Variants in DGKB observed in about 807,000 individuals in gnomAD.
DGKB encodes diacylglycerol kinase beta.
In DGKB, 67 loss-of-function variants were observed where a neutral mutation model predicts 114.3. That is an observed-to-expected ratio of 0.59 (90% CI 0.48 to 0.72). DGKB has a LOEUF of 0.72. Among genes scored for constraint, DGKB ranks in the 30% least tolerant of loss-of-function variants. The pLI is 0.00. For missense variants in DGKB, 907 were observed against 975.2 expected (o/e 0.93, Z 0.93); for synonymous variants, 398 against 323.1 (o/e 1.23, Z -2.49).
At chr7:14,470,873 G>C (rs531765823) in intron 21 of DGKB, among the ~76,000 whole-genome samples, 59 of 151,534 alleles carry the variant, frequency 3.9e-4, no homozygotes, top group Admixed American at 1.3e-3. Flanking sequence ...AATTGCTCTG[G>C]AACTTCAAAA....
intron 6 of DGKB, among the ~76,000 whole-genome samples, chr7:14,702,715 T>A: frequency 6.6e-6 from 1 of 152,196 alleles, no homozygotes; most frequent in East Asian, 1.9e-4. Flanking sequence ...GTCTATAATA[T>A]TAATAAAGAT....
chr7:14,648,883 G>C (rs1563788280), intron 13 of DGKB, among the ~76,000 whole-genome samples: 1 of 133,702 alleles, frequency 7.5e-6, no homozygotes, highest in African/African-American at 2.8e-5. Context: ...TCAACTGGAA[G>C]AAAGGGTATC....
chr7:14,734,976 G>C (rs765147923), intron 5 of DGKB, among the ~76,000 whole-genome samples: 2 of 152,144 alleles, frequency 1.3e-5, no homozygotes, highest in African/African-American at 4.8e-5. Flanking sequence ...GCGGGAGAAG[G>C]GGCTGGACCC....
chr7:14,881,936 T>C (rs1406269552), intron 1 of DGKB, among the ~76,000 whole-genome samples: 1 of 152,138 alleles, frequency 6.6e-6, no homozygotes, highest in Non-Finnish European at 1.5e-5. Flanking sequence ...TTCAACTCTA[T>C]AAATCTCACA....
intron 2 of DGKB, among the ~76,000 whole-genome samples, chr7:14,778,298 A>G (rs1036079147): frequency 1.3e-5 from 2 of 152,176 alleles, no homozygotes; most frequent in African/African-American, 4.8e-5. Flanking sequence ...GTTCTAAAAC[A>G]TTCCCTGTAT....
At chr7:14,656,774 A>G (rs1303384262) in intron 13 of DGKB, among the ~76,000 whole-genome samples, 1 of 151,434 alleles carries the variant, frequency 6.6e-6, no homozygotes, top group Non-Finnish European at 1.5e-5. Flanking sequence ...ACACACACAT[A>G]TCCTATATAT....
intron 6 of DGKB, among the ~76,000 whole-genome samples, chr7:14,708,837 C>T (rs557109208): frequency 2.0e-5 from 3 of 149,638 alleles, no homozygotes; most frequent in African/African-American, 5.1e-5. Flanking sequence ...AAGATTTAAA[C>T]GTTAGACCTA....
intron 6 of DGKB, among the ~76,000 whole-genome samples, chr7:14,704,447 C>CAAAAA (rs774905779): frequency 7.5e-5 from 4 of 53,462 alleles, no homozygotes; most frequent in African/African-American, 2.2e-4. Flanking sequence ...GACTCCATCT[C>CAAAAA]AAAAAAAAAA....
intron 17 of DGKB, among the ~76,000 whole-genome samples, chr7:14,592,513 G>T (rs919590806): frequency 6.6e-5 from 10 of 151,732 alleles, no homozygotes; most frequent in African/African-American, 2.4e-4. Flanking sequence ...AGTAAAATCT[G>T]GCTGAATTTT....
chr7:14,170,549 T>C (rs1283968466), intron 25 of DGKB, among the ~76,000 whole-genome samples: 3 of 152,204 alleles, frequency 2.0e-5, no homozygotes, highest in Non-Finnish European at 4.4e-5. Context: ...AACCTTTGTC[T>C]AGTTGATATT....
chr7:14,764,143 T>C (rs1449309246), intron 2 of DGKB, among the ~76,000 whole-genome samples: 3 of 151,968 alleles, frequency 2.0e-5, no homozygotes, highest in Non-Finnish European at 4.4e-5. Flanking sequence ...AACCCTGTAG[T>C]AGAGAGGGCT....
intron 16 of DGKB, among the ~76,000 whole-genome samples, chr7:14,609,672 GA>G (rs993846922): frequency 1.3e-5 from 2 of 151,520 alleles, no homozygotes; most frequent in African/African-American, 4.8e-5. Flanking sequence ...AAATCAATGG[GA>G]AAAAAACAAC....
intron 1 of DGKB, among the ~76,000 whole-genome samples, chr7:14,959,536 A>G (rs903194441): frequency 7.2e-5 from 11 of 152,062 alleles, no homozygotes; most frequent in African/African-American, 2.7e-4. Flanking sequence ...TAAGGACAAC[A>G]TAACTCATTT....
chr7:14,926,580 C>G (rs1784764972), intron 1 of DGKB, among the ~76,000 whole-genome samples: 1 of 150,844 alleles, frequency 6.6e-6, no homozygotes, highest in African/African-American at 2.4e-5. Flanking sequence ...TCCCATATTT[C>G]AAGATTTTTT....
In DGKB at chr7:14,799,172, T is replaced by A. The variant is rs190304984; in HGVS notation, c.71-41441A>T. The stretch of plus-strand genomic sequence containing the variant: ...TTTAATGCTTGAGCAAATTAAAACA[T>A]CTCCTGGTACCTGGTATAGAGCTGT... On this transcript the variant is annotated intron_variant, in intron 2 of 25. Coordinates refer to ENST00000402815, the MANE Select transcript of DGKB (RefSeq NM_001350709.2). Among the ~76,000 whole-genome samples, 5 of 152,334 alleles carry A rather than the reference T, an allele frequency of 3.3e-5. No individual in the cohort carries two copies. The East Asian group carries it at 9.6e-4, about 29-fold the overall frequency.
intron 20 of DGKB, among the ~76,000 whole-genome samples, chr7:14,541,793 C>T (rs971099598): frequency 3.3e-5 from 5 of 152,144 alleles, no homozygotes; most frequent in Admixed American, 1.3e-4. Flanking sequence ...CCCAATTTGA[C>T]GTCAGTAAGT....
At chr7:14,695,141 A>T (rs1234910587) in intron 8 of DGKB, among the ~76,000 whole-genome samples, 3 of 152,204 alleles carry the variant, frequency 2.0e-5, no homozygotes, top group Non-Finnish European at 4.4e-5. Context: ...GTCTGCCTAG[A>T]CACTCTTGTG....
intron 20 of DGKB, among the ~76,000 whole-genome samples, chr7:14,567,194 T>G (rs189128811): frequency 0.016 from 1,293 of 80,556 alleles, 28 homozygotes; most frequent in Middle Eastern, 0.11. Flanking sequence ...TATATATTTA[T>G]ATATTATATA....
chr7:14,779,436 T>C (rs1400633802), intron 2 of DGKB, among the ~76,000 whole-genome samples: 1 of 151,966 alleles, frequency 6.6e-6, no homozygotes. Flanking sequence ...ACGCAGGAGG[T>C]TGAGGCTGAG....
Sources: allele counts gnomAD v4.1 joint callset (sites outside exome capture counted in the v4.1 genomes callset), GRCh38; gene constraint gnomAD v4.1.1; transcripts MANE v1.5; gene names NCBI Gene and HGNC (gene_info 2026-07-23, HGNC 2026-07-21).